GADL1: variants seen among roughly 807,000 people sequenced by gnomAD.
GADL1 encodes acidic amino acid decarboxylase GADL1.
Under a neutral mutation model 69.5 loss-of-function variants are expected in GADL1, and 71 were observed. That is an observed-to-expected ratio of 1.02 (90% CI 0.84 to 1.25). GADL1 has a LOEUF of 1.25. GADL1 is among the 50% of genes most tolerant of loss of function. The pLI is 0.00. For synonymous variants in GADL1, 254 were observed against 214.4 expected (o/e 1.18, Z -1.62); for missense variants, 737 against 631.8 (o/e 1.17, Z -1.79).
intron 11 of GADL1, among the ~76,000 whole-genome samples, chr3:30,825,553 A>G (rs992015125): frequency 2.0e-5 from 3 of 151,966 alleles, no homozygotes; most frequent in South Asian, 2.1e-4. Flanking sequence ...GGAAACCAAT[A>G]TGACAACTAA....
chr3:30,768,267 TTGTTTACAATAGCAAAA>T (rs1696331719), intron 14 of GADL1, among the ~76,000 whole-genome samples: 1 of 152,196 alleles, frequency 6.6e-6, no homozygotes, highest in Non-Finnish European at 1.5e-5. Context: ...TCATCTGTTA[TTGTTTACAATAGCAAAA>T]CCCTGGAAAC....
At chr3:30,790,973 G>A (rs1696899851) in intron 12 of GADL1, among the ~76,000 whole-genome samples, 1 of 151,740 alleles carries the variant, frequency 6.6e-6, no homozygotes, top group South Asian at 2.1e-4. Context: ...CTGAGAAATG[G>A]GGATGATTTG....
chr3:30,777,977 T>A (rs913270769), intron 14 of GADL1, among the ~76,000 whole-genome samples: 53 of 152,176 alleles, frequency 3.5e-4, no homozygotes, highest in Middle Eastern at 3.2e-3. Context: ...CCTAATTGTT[T>A]TGGGTGTGTG....
Position 30,821,992 on chromosome 3 carries a change from A to G in GADL1, c.1050+11861T>C, listed in dbSNP as rs189041049. Among the ~76,000 whole-genome samples, 5 of 152,212 alleles carry G rather than the reference A, an allele frequency of 3.3e-5. No homozygotes were observed. The East Asian group carries it at 9.7e-4, about 29-fold the overall frequency. On this transcript the variant is annotated intron_variant, in intron 11 of 14. Transcript: ENST00000282538. ...TTATTACAAATTATTTTCACTTTAGACTATTCCACATTTCCTGTAGTTGAT... is the reference window on the plus strand; with the variant it reads ...TTATTACAAATTATTTTCACTTTAGGCTATTCCACATTTCCTGTAGTTGAT...
chr3:30,814,984 T>TC (rs1010761508), intron 11 of GADL1, among the ~76,000 whole-genome samples: 11 of 150,638 alleles, frequency 7.3e-5, no homozygotes, highest in African/African-American at 2.7e-4. Context: ...AAAAAAAAAT[T>TC]TTTTTCATTA....
At chr3:30,850,511 T>C (rs1421686860) in intron 5 of GADL1, among the ~76,000 whole-genome samples, 4 of 152,184 alleles carry the variant, frequency 2.6e-5, no homozygotes, top group Non-Finnish European at 5.9e-5. Context: ...ACAAATGTAA[T>C]TCAGAAATCT....
intron 11 of GADL1, among the ~76,000 whole-genome samples, chr3:30,806,769 C>T (rs1256152993): frequency 6.6e-6 from 1 of 152,142 alleles, no homozygotes; most frequent in Non-Finnish European, 1.5e-5. Context: ...GAGAACAGAA[C>T]TAATTGAGTA....
intron 14 of GADL1, among the ~76,000 whole-genome samples, chr3:30,748,919 G>A (rs1695754931): frequency 6.6e-6 from 1 of 152,132 alleles, no homozygotes; most frequent in Admixed American, 6.6e-5. Context: ...TGTGCTGTTA[G>A]CACTGAATAA....
intron 14 of GADL1, among the ~76,000 whole-genome samples, chr3:30,755,396 T>C (rs1376420336): frequency 6.6e-6 from 1 of 152,198 alleles, no homozygotes; most frequent in Non-Finnish European, 1.5e-5. Flanking sequence ...TCTATGTAGA[T>C]ATTCTAATAA....
intron 11 of GADL1, among the ~76,000 whole-genome samples, chr3:30,810,425 A>G (rs904326579): frequency 3.9e-5 from 6 of 152,170 alleles, no homozygotes; most frequent in African/African-American, 1.4e-4. Flanking sequence ...AGAGATATAT[A>G]TATAGAGAGA....
chr3:30,781,893 G>GT (rs1437094358), intron 13 of GADL1, among the ~76,000 whole-genome samples: 1 of 152,206 alleles, frequency 6.6e-6, no homozygotes, highest in Non-Finnish European at 1.5e-5. Context: ...CCATTAAAAT[G>GT]TGCACTAGTG....
intron 14 of GADL1, among the ~76,000 whole-genome samples, chr3:30,756,283 C>T (rs2125481814): frequency 6.6e-6 from 1 of 152,166 alleles, no homozygotes; most frequent in East Asian, 1.9e-4. Flanking sequence ...CCTCAGTTTC[C>T]TCCTACATAA....
chr3:30,879,825 T>C (rs6800854), intron 1 of GADL1, among the ~76,000 whole-genome samples: 38,978 of 151,848 alleles, frequency 0.26, 6,240 homozygotes, highest in East Asian at 0.5. Flanking sequence ...TCTGTAATTT[T>C]GTTCTCTAGG....
chr3:30,832,015 G>A (rs747513190), intron 11 of GADL1, among the ~76,000 whole-genome samples: 3 of 151,896 alleles, frequency 2.0e-5, no homozygotes, highest in Non-Finnish European at 2.9e-5. Context: ...GACTCGCACA[G>A]TGTCAAGCCT....
intron 14 of GADL1, among the ~76,000 whole-genome samples, chr3:30,754,777 T>C (rs1423362593): frequency 3.9e-5 from 6 of 152,182 alleles, no homozygotes; most frequent in Admixed American, 3.9e-4. Flanking sequence ...CTGGCAAATG[T>C]AGAAGATGTA....
At chr3:30,866,905 TG>T (rs1698412387) in intron 1 of GADL1, among the ~76,000 whole-genome samples, 1 of 152,100 alleles carries the variant, frequency 6.6e-6, no homozygotes, top group Non-Finnish European at 1.5e-5. Flanking sequence ...GAGGACTGAC[TG>T]GCTGACTGTA....
chr3:30,746,012 G>T (rs1176317766), intron 14 of GADL1, among the ~76,000 whole-genome samples: 9 of 102,872 alleles, frequency 8.7e-5, no homozygotes. Context: ...TCCTTTTATT[G>T]CACTCCAGCT....
At chr3:30,818,476 T>C (rs1281007366) in intron 11 of GADL1, among the ~76,000 whole-genome samples, 2 of 152,116 alleles carry the variant, frequency 1.3e-5, no homozygotes, top group Non-Finnish European at 2.9e-5. Context: ...AAATAAAACA[T>C]GGTTGATTAA....
chr3:30,800,593 T>A, intron 12 of GADL1: 2 of 399,922 alleles, frequency 5.0e-6, no homozygotes, highest in Non-Finnish European at 9.3e-6. Flanking sequence ...TTGGACTCTA[T>A]ACCTCACCTT....
Sources: allele counts gnomAD v4.1 joint callset (sites outside exome capture counted in the v4.1 genomes callset), GRCh38; gene constraint gnomAD v4.1.1; transcripts MANE v1.5; gene names NCBI Gene and HGNC (gene_info 2026-07-23, HGNC 2026-07-21).